The following PRKCA variants were observed in gnomAD, a reference collection of about 807,000 sequenced individuals.
The protein encoded by PRKCA is protein kinase C alpha type.
PRKCA carries 27 observed loss-of-function variants against 87.0 expected under a neutral mutation model. The ratio of observed to expected loss-of-function variants is 0.31; its 90% CI spans 0.23 to 0.43. The LOEUF (loss-of-function observed/expected upper bound fraction) is 0.43. Among genes scored for constraint, PRKCA ranks in the 20% least tolerant of loss-of-function variants. The pLI, the probability that PRKCA is intolerant of heterozygous loss-of-function variation, is 1.00. For synonymous variants in PRKCA, 329 were observed against 311.1 expected, an observed-to-expected ratio of 1.06 and a Z score of -0.61; for missense variants, 518 against 852.3, an observed-to-expected ratio of 0.61 and a Z score of 4.88.
chr17:66,327,366 CAAAAA>C (rs769256839), intron 2 of PRKCA, among the ~76,000 whole-genome samples: 1 of 80,022 alleles, frequency 1.2e-5, no homozygotes. Flanking sequence ...AACTCTGTCT[CAAAAA>C]AAAAAAAAAA....
At chr17:66,496,419 G>T in intron 3 of PRKCA, 136 bp downstream of exon 3, 1 of 694,292 alleles carries the variant, frequency 1.4e-6, no homozygotes. Flanking sequence ...TTGGCTTGTA[G>T]TAATGAGCAG....
chr17:66,433,952 G>A (rs1913235807), intron 2 of PRKCA, among the ~76,000 whole-genome samples: 2 of 152,092 alleles, frequency 1.3e-5, no homozygotes. Context: ...CTCATTAGTA[G>A]GCCTTGCCCT....
intron 2 of PRKCA, among the ~76,000 whole-genome samples, chr17:66,396,069 A>T (rs571288760): frequency 6.0e-4 from 68 of 112,424 alleles, no homozygotes; most frequent in Middle Eastern, 4.3e-3. Flanking sequence ...TTTTTTTTTT[A>T]ATTGAATATT....
chr17:66,426,846 G>C (rs763459283), intron 2 of PRKCA, among the ~76,000 whole-genome samples: 156 of 152,280 alleles, frequency 1.0e-3, no homozygotes, highest in Non-Finnish European at 1.0e-4. Context: ...TGGAGCAGTG[G>C]CAGCCATCCT....
chr17:66,330,583 G>A (rs1906268850), intron 2 of PRKCA, among the ~76,000 whole-genome samples: 1 of 152,126 alleles, frequency 6.6e-6, no homozygotes, highest in Admixed American at 6.5e-5. Context: ...CGGATCAGTA[G>A]GCAAGCATTT....
chr17:66,472,062 A>G (rs1915349283), intron 2 of PRKCA, among the ~76,000 whole-genome samples: 1 of 152,308 alleles, frequency 6.6e-6, no homozygotes, highest in East Asian at 1.9e-4. Context: ...CCTGGGCTCA[A>G]GCAGTCCTTT....
chr17:66,569,423 G>A (rs1475475149), intron 3 of PRKCA, among the ~76,000 whole-genome samples: 2 of 152,172 alleles, frequency 1.3e-5, no homozygotes, highest in East Asian at 1.9e-4. Flanking sequence ...ACAAAAATTA[G>A]CCAGGCATGG....
At chr17:66,408,254 C>G (rs2049124670) in intron 2 of PRKCA, among the ~76,000 whole-genome samples, 2 of 152,186 alleles carry the variant, frequency 1.3e-5, no homozygotes, top group African/African-American at 4.8e-5. Flanking sequence ...AAAAGAATTT[C>G]AATCCGATTA....
chr17:66,469,690 T>C (rs1294494191), intron 2 of PRKCA, among the ~76,000 whole-genome samples: 1 of 152,216 alleles, frequency 6.6e-6, no homozygotes, highest in Non-Finnish European at 1.5e-5. Context: ...TGAGGAAACA[T>C]TTGCAAGTAG....
chr17:66,483,116 CTTAA>C (rs1381897632), intron 2 of PRKCA, among the ~76,000 whole-genome samples: 3 of 152,172 alleles, frequency 2.0e-5, no homozygotes, highest in Non-Finnish European at 4.4e-5. Context: ...GTTCATAGTA[CTTAA>C]TTTTCACTTA....
At chr17:66,730,715 G>A (rs1363571756) in intron 8 of PRKCA, among the ~76,000 whole-genome samples, 2 of 152,208 alleles carry the variant, frequency 1.3e-5, no homozygotes, top group Non-Finnish European at 2.9e-5. Context: ...CTTTGCCACA[G>A]ACTGTTGTAT....
At chr17:66,470,563 G>C (rs1231778336) in intron 2 of PRKCA, among the ~76,000 whole-genome samples, 1 of 151,972 alleles carries the variant, frequency 6.6e-6, no homozygotes, top group East Asian at 1.9e-4. Context: ...AGACTGAAGG[G>C]CACTTAGAGC....
chr17:66,732,648 A>G (rs1973931818), intron 8 of PRKCA, 40 bp from the exon 9 acceptor site: 2 of 1,613,026 alleles, frequency 1.2e-6, no homozygotes, highest in African/African-American at 2.7e-5. Context: ...TTTCCCCAGA[A>G]AAATGACCCA....
chr17:66,455,539 C>T (rs1914542041), intron 2 of PRKCA, among the ~76,000 whole-genome samples: 1 of 152,200 alleles, frequency 6.6e-6, no homozygotes, highest in Non-Finnish European at 1.5e-5. Flanking sequence ...ATCTTCATCT[C>T]TTTTATTCTG....
chr17:66,327,823 C>T (rs1017211880), intron 2 of PRKCA, among the ~76,000 whole-genome samples: 33 of 151,922 alleles, frequency 2.2e-4, no homozygotes, highest in Non-Finnish European at 4.1e-4. Context: ...TTTTTTTTCC[C>T]TAAGCATTCA....
chr17:66,577,714 T>C (rs528563620), intron 3 of PRKCA, among the ~76,000 whole-genome samples: 1 of 152,288 alleles, frequency 6.6e-6, no homozygotes, highest in South Asian at 2.1e-4. Context: ...TCTTTTTTAT[T>C]GCGTCCATGT....
chr17:66,581,229 A>G (rs1040238353), intron 3 of PRKCA, among the ~76,000 whole-genome samples: 1 of 152,176 alleles, frequency 6.6e-6, no homozygotes, highest in Non-Finnish European at 1.5e-5. Flanking sequence ...CAGCTAGTAA[A>G]TATTTTTGGC....
chr17:66,365,866 T>C (rs1041218042), intron 2 of PRKCA, among the ~76,000 whole-genome samples: 1 of 152,218 alleles, frequency 6.6e-6, no homozygotes, highest in Non-Finnish European at 1.5e-5. Context: ...TTTTCTTTGT[T>C]GTTATGAATT....
At chr17:66,783,904 A>G (rs566738650) in intron 14 of PRKCA, among the ~76,000 whole-genome samples, 1 of 152,306 alleles carries the variant, frequency 6.6e-6, no homozygotes, top group African/African-American at 2.4e-5. Context: ...CACCCCATTT[A>G]GCCCGCTTCG....
Sources: allele counts gnomAD v4.1 joint callset (sites outside exome capture counted in the v4.1 genomes callset), GRCh38; gene constraint gnomAD v4.1.1; transcripts MANE v1.5; gene names NCBI Gene and HGNC (gene_info 2026-07-23, HGNC 2026-07-21).